The following RPRD1B variants were observed in gnomAD, a reference collection of about 807,000 sequenced individuals.
RPRD1B encodes regulation of nuclear pre-mRNA domain containing 1B, also known as regulation of nuclear pre-mRNA domain-containing protein 1B.
A neutral mutation model predicts 41.5 loss-of-function variants in RPRD1B; 11 were observed. The observed-to-expected ratio is 0.27, with a 90% confidence interval of 0.17 to 0.44. The LOEUF (loss-of-function observed/expected upper bound fraction) is 0.44. RPRD1B is among the 20% of genes least tolerant of loss of function. RPRD1B has a pLI of 1.00. For synonymous variants in RPRD1B, 158 were observed against 155.6 expected (o/e 1.02, Z -0.12); for missense variants, 248 against 389.9 (o/e 0.64, Z 3.06).
chr20:38,087,032 C>T (rs1053414563), intron 6 of RPRD1B, among the ~76,000 whole-genome samples: 4 of 152,014 alleles, frequency 2.6e-5, no homozygotes, highest in Non-Finnish European at 5.9e-5. Flanking sequence ...TCTCAGCTCA[C>T]CACAACCTCT....
At chr20:38,039,850 C>T (rs1357184272) in intron 1 of RPRD1B, among the ~76,000 whole-genome samples, 2 of 151,704 alleles carry the variant, frequency 1.3e-5, no homozygotes, top group Admixed American at 6.6e-5. Context: ...TCTCCTGCCT[C>T]AGCCTCCTGA....
Position 38,091,350 on chromosome 20 carries a change from T to TA in RPRD1B, c.*1477dup. 1 of 985,550 alleles carries TA rather than the reference T, an allele frequency of 1.0e-6. No homozygotes were observed. The highest frequency in any genetic ancestry group is 1.2e-6 in the Non-Finnish European group (1 of 829,880). 61.1% of individuals were successfully genotyped at this position (985,550 alleles called of 1,614,324 possible). ...AAACATAACCTATGTTTATAAAGCA[T>TA]AACGGGCTTCCCTTCCAGAAGCTCT... On this transcript the variant is annotated 3_prime_UTR_variant, in exon 7 of 7. Transcript: ENST00000373433.
At chr20:38,058,685 G>C (rs1181810944) in intron 4 of RPRD1B, among the ~76,000 whole-genome samples, 1 of 152,116 alleles carries the variant, frequency 6.6e-6, no homozygotes, top group Non-Finnish European at 1.5e-5. Context: ...AATTGAAGTA[G>C]GTTGATCAGT....
At position 38,092,353 on chromosome 20, in the gene RPRD1B, G is replaced by A. The variant is rs1347287404; in HGVS notation, c.*2478G>A. 1.0e-6 allele frequency: 1 copy of A among 977,466 alleles called. No individual in the cohort carries two copies. The highest frequency in any genetic ancestry group is 1.2e-6 in the Non-Finnish European group (1 of 822,468). The allele number at this position is 977,466 out of a possible 1,614,324, so 60.5% of individuals were successfully genotyped here. A position where few individuals can be genotyped will look rare whatever the true frequency, so the allele number is the denominator to read the frequency against. On this transcript the variant is annotated 3_prime_UTR_variant, in exon 7 of 7. Coordinates refer to ENST00000373433, the MANE Select transcript of RPRD1B (RefSeq NM_021215.4). ...ATATATATTTTTGAATAAAGATGGT[G>A]TTGTTGAACAACATTGTGTGATTTT...
intron 3 of RPRD1B, among the ~76,000 whole-genome samples, chr20:38,049,587 C>T (rs1247175076): frequency 6.6e-6 from 1 of 151,702 alleles, no homozygotes; most frequent in African/African-American, 2.4e-5. Flanking sequence ...CCAGGCTGGT[C>T]TTGAACTCCT....
chr20:38,092,310 T>C lies in RPRD1B; in HGVS notation c.*2435T>C. 1.0e-6 allele frequency: 1 copy of C among 985,006 alleles called. No individual in the cohort carries two copies. The highest frequency in any genetic ancestry group is 4.7e-5 in the South Asian group (1 of 21,266). 61.0% of individuals were successfully genotyped at this position (985,006 alleles called of 1,614,324 possible). A position where few individuals can be genotyped will look rare whatever the true frequency, so the allele number is the denominator to read the frequency against. On this transcript the variant is annotated 3_prime_UTR_variant, in exon 7 of 7. Transcript: ENST00000373433. Reference sequence around the variant, plus strand: ...GGCTGTCGTTGGCGGCAGCAGTATATTCTGAAATGTCTCATAGATATATAT... The same window carrying C: ...GGCTGTCGTTGGCGGCAGCAGTATACTCTGAAATGTCTCATAGATATATAT...
At chr20:38,053,192 G>A (rs1481337187) in intron 3 of RPRD1B, among the ~76,000 whole-genome samples, 1 of 152,118 alleles carries the variant, frequency 6.6e-6, no homozygotes, top group African/African-American at 2.4e-5. Flanking sequence ...AAATTCAGAT[G>A]TAGAAATGGA....
At chr20:38,051,895 G>T (rs2074188508) in intron 3 of RPRD1B, among the ~76,000 whole-genome samples, 1 of 152,198 alleles carries the variant, frequency 6.6e-6, no homozygotes, top group Non-Finnish European at 1.5e-5. Flanking sequence ...GGGATTACAG[G>T]CATGTGCCAC....
chr20:38,056,140 A>G (rs547439814), intron 3 of RPRD1B, among the ~76,000 whole-genome samples: 1 of 152,296 alleles, frequency 6.6e-6, no homozygotes, highest in South Asian at 2.1e-4. Context: ...TAATCCCAGG[A>G]CTTTGGGAGA....
chr20:38,076,906 CTTTTTTTTTT>C (rs573460686), intron 6 of RPRD1B, among the ~76,000 whole-genome samples: 32 of 63,522 alleles, frequency 5.0e-4, no homozygotes, highest in African/African-American at 6.4e-4. Flanking sequence ...CATTCTGGAC[CTTTTTTTTTT>C]TTTTTTTTTT....
At chr20:38,077,529 C>T (rs2074474825) in intron 6 of RPRD1B, among the ~76,000 whole-genome samples, 1 of 152,012 alleles carries the variant, frequency 6.6e-6, no homozygotes, top group Admixed American at 6.5e-5. Context: ...CTTGTCACAG[C>T]CTCTCCCTCA....
At chr20:38,077,966 A>G (rs1351117604) in intron 6 of RPRD1B, among the ~76,000 whole-genome samples, 1 of 152,050 alleles carries the variant, frequency 6.6e-6, no homozygotes, top group Non-Finnish European at 1.5e-5. Context: ...ACTTGAGTCC[A>G]AGAGTTTGAG....
chr20:38,092,304 AG>A lies in RPRD1B; in HGVS notation c.*2430del. The A allele has an allele frequency of 1.0e-6, 1 of 984,880 alleles. No homozygotes were observed. Among genetic ancestry groups the A allele is most frequent in the Non-Finnish European group, 1.2e-6 (1 of 829,024 alleles). 61.0% of individuals were successfully genotyped at this position (984,880 alleles called of 1,614,324 possible). On this transcript the variant is annotated 3_prime_UTR_variant, in exon 7 of 7. Transcript: ENST00000373433. The stretch of plus-strand genomic sequence containing the variant: ...AGTATAGGCTGTCGTTGGCGGCAGC[AG>A]TATATTCTGAAATGTCTCATAGATA...
intron 2 of RPRD1B, among the ~76,000 whole-genome samples, chr20:38,047,764 G>A (rs1015934311): frequency 6.6e-6 from 1 of 152,048 alleles, no homozygotes; most frequent in Non-Finnish European, 1.5e-5. Context: ...ATTATTAAGT[G>A]TGTTCTAAGA....
intron 6 of RPRD1B, among the ~76,000 whole-genome samples, chr20:38,084,826 G>A (rs1224191111): frequency 6.6e-6 from 1 of 152,156 alleles, no homozygotes; most frequent in Non-Finnish European, 1.5e-5. Flanking sequence ...TACACATTGG[G>A]CCTTACCCTC....
intron 2 of RPRD1B, 21 bp from the exon 3 acceptor site, chr20:38,048,327 C>T (rs763794771): frequency 3.7e-6 from 6 of 1,604,638 alleles, no homozygotes; most frequent in Non-Finnish European, 4.3e-6. Flanking sequence ...TTATATATAT[C>T]TTTTCATCTT....
chr20:38,057,716 G>T, intron 4 of RPRD1B, 72 bp downstream of exon 4: 1 of 1,081,868 alleles, frequency 9.2e-7, no homozygotes, highest in Non-Finnish European at 1.4e-6. Context: ...ATGGCCACAA[G>T]GTGGCGCCAG....
intron 2 of RPRD1B, among the ~76,000 whole-genome samples, chr20:38,046,459 A>G (rs2074122375): frequency 6.6e-6 from 1 of 152,250 alleles, no homozygotes; most frequent in African/African-American, 2.4e-5. Context: ...GAAAATGACA[A>G]ATCTGCACCC....
At position 38,079,456 on chromosome 20, in the gene RPRD1B, C is replaced by T. The variant is rs115712348; in HGVS notation, c.832-10270C>T. Among the ~76,000 whole-genome samples the T allele has an allele frequency of 4.6e-3, 699 of 152,210 alleles. 2 individuals are homozygous for T. Among genetic ancestry groups the T allele is most frequent in the African/African-American group, 0.016 (672 of 41,538 alleles). ...GTCCCGGGTGTCTTATTTTTCCCTT[C>T]TTTGAGTTCATGTGTTCTCAATGTT... On this transcript the variant is annotated intron_variant, in intron 6 of 6. Transcript: ENST00000373433.
Sources: gnomAD v4.1 joint callset for allele counts (sites outside exome capture counted in the v4.1 genomes callset) on GRCh38, gnomAD v4.1.1 for gene constraint, MANE v1.5 for transcripts, NCBI Gene and HGNC (gene_info 2026-07-23, HGNC 2026-07-21) for gene names.